Variants in ADAMTS6 observed in about 807,000 individuals in gnomAD.
The protein encoded by ADAMTS6 is A disintegrin and metalloproteinase with thrombospondin motifs 6.
In ADAMTS6, 23 loss-of-function variants were observed where a neutral mutation model predicts 144.3. That is an observed-to-expected ratio of 0.16 (90% confidence interval 0.11 to 0.23). ADAMTS6 has a LOEUF of 0.23. ADAMTS6 is among the 10% of genes least tolerant of loss of function. ADAMTS6 has a pLI of 1.00. For synonymous variants in ADAMTS6, 444 were observed against 457.5 expected (o/e 0.97, Z 0.38); for missense variants, 999 against 1,379.6 (o/e 0.72, Z 4.37).
chr5:65,389,222 A>G (rs538171539), intron 7 of ADAMTS6, among the ~76,000 whole-genome samples: 1 of 152,232 alleles, frequency 6.6e-6, no homozygotes, highest in African/African-American at 2.4e-5. Flanking sequence ...AAAAAAAGAA[A>G]GAAAGAAATA....
In ADAMTS6 at chr5:65,334,021, A is replaced by AAC. The variant is rs1554071979; in HGVS notation, c.1117+20_1117+21insGT. On this transcript the variant is annotated intron_variant, in intron 8 of 24. Coordinates refer to ENST00000381055, the MANE Select transcript of ADAMTS6 (RefSeq NM_197941.4). ...TTAAAAAAAAAAAAAAAAAAAAAAA[A>AAC]AAAAACCAAAAAAAACTTACCCAGT... is the stretch of plus-strand genomic sequence containing the variant. 2.9e-6 allele frequency: 4 copies of AAC among 1,383,870 alleles called. No homozygotes were observed. The South Asian group carries it at 7.7e-5, about 27-fold the overall frequency. 85.7% of individuals were successfully genotyped at this position (1,383,870 alleles called of 1,614,324 possible). A position where few individuals can be genotyped will look rare whatever the true frequency, so the allele number is the denominator to read the frequency against.
intron 21 of ADAMTS6, among the ~76,000 whole-genome samples, chr5:65,193,145 G>A (rs1274904320): frequency 1.3e-5 from 2 of 151,828 alleles, no homozygotes; most frequent in African/African-American, 4.8e-5. Context: ...AACTTTGAAA[G>A]TATAAGAGTG....
At chr5:65,249,071 C>A (rs1251850928) in intron 14 of ADAMTS6, among the ~76,000 whole-genome samples, 1 of 151,894 alleles carries the variant, frequency 6.6e-6, no homozygotes, top group African/African-American at 2.4e-5. Flanking sequence ...GTTAGATAGG[C>A]ATGAGCAGGG....
intron 7 of ADAMTS6, among the ~76,000 whole-genome samples, chr5:65,408,515 T>C (rs1423247170): frequency 2.0e-5 from 3 of 152,198 alleles, no homozygotes; most frequent in Non-Finnish European, 2.9e-5. Flanking sequence ...CTTAGAGCCA[T>C]ACAAAGAGAC....
rs151122694 is a variant in ADAMTS6, at chr5:65,214,508, C to G, written c.2575+286G>C. Reference sequence around the variant, plus strand: ...ATGTTCTTTACCAAGAATGTGTTCACGAAAGGCAAACAGCCCACCTTCAAG... The same window carrying G: ...ATGTTCTTTACCAAGAATGTGTTCAGGAAAGGCAAACAGCCCACCTTCAAG... On this transcript the variant is annotated intron_variant, in intron 20 of 24. Coordinates refer to ENST00000381055, the MANE Select transcript of ADAMTS6 (RefSeq NM_197941.4). This position sits in a 1 kb window ranked among gnomAD's most constrained non-coding sequence, Gnocchi z 4.6. 2.1e-6 allele frequency: 1 copy of G among 468,688 alleles called. No homozygotes were observed. Among genetic ancestry groups the G allele is most frequent in the Non-Finnish European group, 3.9e-6 (1 of 255,872 alleles). The allele number at this position is 468,688 out of a possible 1,614,324, so 29.0% of individuals were successfully genotyped here.
In ADAMTS6 at chr5:65,162,090, A is replaced by G. The variant is rs569134195; in HGVS notation, c.3244+8527T>C. ...AGAAACCTCAAATTAACACGTATCC[A>G]TTTTAAGACAATTCCCTTAAGGCAG... On this transcript the variant is annotated intron_variant, in intron 24 of 24. Transcript: ENST00000381055. 2.0e-5 allele frequency among the ~76,000 whole-genome samples: 3 copies of G among 152,364 alleles called. No homozygotes were observed. In the South Asian group the frequency reaches 6.2e-4, roughly 32 times the overall value.
At chr5:65,303,626 A>G (rs1415554022) in intron 9 of ADAMTS6, among the ~76,000 whole-genome samples, 1 of 151,982 alleles carries the variant, frequency 6.6e-6, no homozygotes, top group African/African-American at 2.4e-5. Flanking sequence ...AATACAGTAT[A>G]TAATTTAAAA....
At chr5:65,357,325 T>C (rs1348465625) in intron 7 of ADAMTS6, among the ~76,000 whole-genome samples, 1 of 151,780 alleles carries the variant, frequency 6.6e-6, no homozygotes, top group East Asian at 1.9e-4. Context: ...AGATGTAATG[T>C]GAAAACACAA....
intron 18 of ADAMTS6, among the ~76,000 whole-genome samples, chr5:65,221,714 G>A (rs541785021): frequency 6.6e-5 from 10 of 152,212 alleles, no homozygotes; most frequent in South Asian, 4.1e-4. Flanking sequence ...GCCTTTGTTC[G>A]AGGATGACAT....
chr5:65,452,031 T>C (rs931948889), intron 6 of ADAMTS6, 102 bp downstream of exon 6: 20 of 964,502 alleles, frequency 2.1e-5, no homozygotes, highest in Non-Finnish European at 2.8e-5. Flanking sequence ...TAGAATTTCC[T>C]AATAGAAGCA....
intron 16 of ADAMTS6, among the ~76,000 whole-genome samples, chr5:65,225,405 C>T (rs1757654666): frequency 6.6e-6 from 1 of 152,140 alleles, no homozygotes; most frequent in African/African-American, 2.4e-5. Context: ...TCTTGTCTTT[C>T]TCAGTTTGAA....
chr5:65,263,078 A>G, intron 12 of ADAMTS6, 116 bp from the exon 13 acceptor site: 2 of 1,284,006 alleles, frequency 1.6e-6, no homozygotes, highest in East Asian at 2.5e-5. Flanking sequence ...CTCCCAATTG[A>G]TAACAGACAG....
chr5:65,172,991 A>C lies in ADAMTS6; in HGVS notation c.2928T>G (p.Gly976=), dbSNP rs1324047070. 1.2e-6 allele frequency: 2 copies of C among 1,613,788 alleles called. No homozygotes were observed. The highest frequency in any genetic ancestry group is 1.7e-6 in the Non-Finnish European group (2 of 1,179,938). Residue 976 remains glycine (G), a synonymous_variant, in exon 23 of 25, where the codon GGT becomes GGG. Coordinates refer to ENST00000381055, the MANE Select transcript of ADAMTS6 (RefSeq NM_197941.4). The part of the protein sequence containing the change: ...LDWSECTPKC[G]PGFKHRIVLC... ...GAACAATCCGATGCTTGAATCCTGG[A>C]CCACATTTTGGAGTACACTGGAAAT...
intron 14 of ADAMTS6, among the ~76,000 whole-genome samples, chr5:65,244,122 A>G (rs1264298874): frequency 6.6e-6 from 1 of 152,158 alleles, no homozygotes; most frequent in East Asian, 1.9e-4. Flanking sequence ...CCAAAGTATT[A>G]TAGAAATTGT....
intron 15 of ADAMTS6, 89 bp downstream of exon 15, chr5:65,242,015 G>A: frequency 1.2e-6 from 1 of 830,202 alleles, no homozygotes; most frequent in South Asian, 2.8e-5. Context: ...GTATGTACAT[G>A]AATGTATGCA....
chr5:65,323,525 C>T (rs1745846500), intron 9 of ADAMTS6, among the ~76,000 whole-genome samples: 1 of 152,024 alleles, frequency 6.6e-6, no homozygotes, highest in Non-Finnish European at 1.5e-5. Flanking sequence ...CATTGTTGGA[C>T]ATTTGGGTTG....
intron 21 of ADAMTS6, among the ~76,000 whole-genome samples, chr5:65,194,754 T>C (rs1755229343): frequency 6.6e-6 from 1 of 152,242 alleles, no homozygotes; most frequent in Non-Finnish European, 1.5e-5. Context: ...TCCCATATTC[T>C]CTGTATCTTT....
intron 3 of ADAMTS6, among the ~76,000 whole-genome samples, chr5:65,462,678 T>C (rs1315419850): frequency 6.6e-6 from 1 of 152,222 alleles, no homozygotes; most frequent in Non-Finnish European, 1.5e-5. Flanking sequence ...CAAAATATGC[T>C]TTCTCAAGTG....
intron 10 of ADAMTS6, among the ~76,000 whole-genome samples, chr5:65,297,812 G>C (rs1742987999): frequency 6.6e-6 from 1 of 152,046 alleles, no homozygotes; most frequent in Non-Finnish European, 1.5e-5. Context: ...TTAAAGAGGA[G>C]GGAAAGCCAA....
Sources: gnomAD v4.1 joint callset for allele counts (sites outside exome capture counted in the v4.1 genomes callset) on GRCh38, gnomAD v4.1.1 for gene constraint, Gnocchi (gnomAD v3.1) non-coding constraint, MANE v1.5 for transcripts, NCBI Gene and HGNC (gene_info 2026-07-23, HGNC 2026-07-21) for gene names.